Variants in ASTN2 observed in about 807,000 individuals in gnomAD.
ASTN2 encodes the protein astrotactin-2.
Under a neutral mutation model 139.8 loss-of-function variants are expected in ASTN2, and 54 were observed. The ratio of observed to expected loss-of-function variants is 0.39; its 90% CI spans 0.31 to 0.48. ASTN2 has a LOEUF of 0.48. Among genes scored for constraint, ASTN2 ranks in the 20% least tolerant of loss-of-function variants. ASTN2 has a pLI of 0.95. For synonymous variants in ASTN2, 756 were observed against 719.5 expected (o/e 1.05, Z -0.81); for missense variants, 1,565 against 1,725.1 (o/e 0.91, Z 1.64).
intron 1 of ASTN2, among the ~76,000 whole-genome samples, chr9:117,336,203 G>A (rs1367557052): frequency 6.6e-6 from 1 of 152,170 alleles, no homozygotes; most frequent in African/African-American, 2.4e-5. Flanking sequence ...CATGGAGTGT[G>A]AGTGTATGTA....
chr9:116,839,668 G>GTA (rs1015186345), intron 11 of ASTN2, among the ~76,000 whole-genome samples: 11 of 151,422 alleles, frequency 7.3e-5, no homozygotes, highest in Admixed American at 6.6e-4. Flanking sequence ...TCTAATTTTT[G>GTA]TATATATATA....
intron 6 of ASTN2, among the ~76,000 whole-genome samples, chr9:117,019,297 A>G (rs1334219598): frequency 1.3e-5 from 2 of 152,128 alleles, no homozygotes; most frequent in Non-Finnish European, 2.9e-5. Flanking sequence ...TTTTCTGGAA[A>G]TTGGACAATA....
At position 116,462,787 on chromosome 9, in the gene ASTN2, C is replaced by CGTGTGTGTGT. The variant is rs1376062376; in HGVS notation, c.3498-20235_3498-20234insACACACACAC. On this transcript the variant is annotated intron_variant, in intron 20 of 22. Coordinates refer to ENST00000313400, the MANE Select transcript of ASTN2 (RefSeq NM_001365068.1). ...TCTTTAAGGGTAAGTGTTGGGTGAGCATGTGTGTGTGTGTGTGTGTGTGTG... is the reference window on the plus strand; with the variant it reads ...TCTTTAAGGGTAAGTGTTGGGTGAGCGTGTGTGTGTATGTGTGTGTGTGTGTGTGTGTGTG... Among the ~76,000 whole-genome samples, 429 of 97,628 alleles carry CGTGTGTGTGT rather than the reference C, an allele frequency of 4.4e-3. 9 individuals carry two copies. Among genetic ancestry groups the CGTGTGTGTGT allele is most frequent in the East Asian group, 0.041 (129 of 3,156 alleles). The allele number at this position is 97,628 out of a possible 152,430, so 64.0% of individuals were successfully genotyped here. A position where few individuals can be genotyped will look rare whatever the true frequency, so the allele number is the denominator to read the frequency against.
At chr9:117,048,651 A>C (rs956058338) in intron 5 of ASTN2, among the ~76,000 whole-genome samples, 3 of 152,214 alleles carry the variant, frequency 2.0e-5, no homozygotes, top group African/African-American at 4.8e-5. Context: ...TTAGAGATGA[A>C]GATGATAGAG....
intron 1 of ASTN2, among the ~76,000 whole-genome samples, chr9:117,336,938 G>T (rs1178009379): frequency 6.6e-6 from 1 of 152,160 alleles, no homozygotes; most frequent in African/African-American, 2.4e-5. Flanking sequence ...ATGCTCAAAG[G>T]TATGGCTCCT....
intron 13 of ASTN2, among the ~76,000 whole-genome samples, chr9:116,803,238 T>C (rs1274895834): frequency 6.6e-6 from 1 of 151,558 alleles, no homozygotes; most frequent in South Asian, 2.1e-4. Flanking sequence ...AAACTAGTAT[T>C]GTAGAATCTC....
At chr9:117,386,332 G>A (rs1353431811) in intron 1 of ASTN2, among the ~76,000 whole-genome samples, 1 of 152,174 alleles carries the variant, frequency 6.6e-6, no homozygotes, top group Non-Finnish European at 1.5e-5. Context: ...AGTTAACATG[G>A]AGCAGCTGAC....
intron 7 of ASTN2, among the ~76,000 whole-genome samples, chr9:116,998,585 A>ACATC (rs1554767998): frequency 5.5e-5 from 6 of 108,780 alleles, no homozygotes; most frequent in African/African-American, 1.7e-4. Flanking sequence ...ATCCATCCAT[A>ACATC]CATCCATGCA....
At chr9:116,858,642 A>G (rs981683459) in intron 11 of ASTN2, among the ~76,000 whole-genome samples, 1 of 152,208 alleles carries the variant, frequency 6.6e-6, no homozygotes, top group African/African-American at 2.4e-5. Flanking sequence ...CAGATTTATA[A>G]CATTTCTAAT....
chr9:116,473,784 C>G (rs1564301582), intron 20 of ASTN2, among the ~76,000 whole-genome samples: 2 of 151,950 alleles, frequency 1.3e-5, no homozygotes, highest in Non-Finnish European at 2.9e-5. Context: ...GCACCTGTAA[C>G]CCAGCTACTC....
chr9:117,231,356 G>T (rs1165855322), intron 2 of ASTN2, among the ~76,000 whole-genome samples: 1 of 152,172 alleles, frequency 6.6e-6, no homozygotes, highest in African/African-American at 2.4e-5. Flanking sequence ...TCTTATTTGT[G>T]TATGCCAATG....
chr9:117,386,512 A>G (rs1830404404), intron 1 of ASTN2, among the ~76,000 whole-genome samples: 1 of 152,130 alleles, frequency 6.6e-6, no homozygotes, highest in Non-Finnish European at 1.5e-5. Context: ...AGGAGCCACC[A>G]TTCTAGGGCC....
intron 2 of ASTN2, among the ~76,000 whole-genome samples, chr9:117,249,221 C>A (rs549242403): frequency 6.6e-6 from 1 of 152,054 alleles, no homozygotes. Context: ...GGCAATAAAC[C>A]CTAATGGAAA....
intron 1 of ASTN2, among the ~76,000 whole-genome samples, chr9:117,310,640 T>C (rs980130017): frequency 6.6e-6 from 1 of 152,180 alleles, no homozygotes; most frequent in African/African-American, 2.4e-5. Context: ...ATTGTTTGTT[T>C]GTTTTTTGAG....
intron 1 of ASTN2, among the ~76,000 whole-genome samples, chr9:117,318,713 T>C (rs1255820046): frequency 2.0e-5 from 3 of 152,166 alleles, no homozygotes; most frequent in East Asian, 1.9e-4. Flanking sequence ...ACACATCCAA[T>C]GTCCTCTGTC....
intron 19 of ASTN2, among the ~76,000 whole-genome samples, chr9:116,571,289 C>T (rs1205098043): frequency 6.6e-6 from 1 of 152,326 alleles, no homozygotes; most frequent in East Asian, 1.9e-4. Flanking sequence ...GCTATCATGA[C>T]CGAGGCAGAG....
chr9:116,477,489 A>G (rs1321709873), intron 20 of ASTN2, among the ~76,000 whole-genome samples: 2 of 151,992 alleles, frequency 1.3e-5, no homozygotes, highest in Non-Finnish European at 2.9e-5. Flanking sequence ...CCTTGGCCAC[A>G]CCTAAATTGC....
At chr9:116,986,134 G>A (rs1426229639) in intron 7 of ASTN2, among the ~76,000 whole-genome samples, 1 of 151,988 alleles carries the variant, frequency 6.6e-6, no homozygotes, top group Non-Finnish European at 1.5e-5. Context: ...CAGCACTGCT[G>A]TCCTTGCTGT....
At chr9:117,131,801 G>A (rs915291387) in intron 4 of ASTN2, among the ~76,000 whole-genome samples, 4 of 151,992 alleles carry the variant, frequency 2.6e-5, no homozygotes, top group South Asian at 2.1e-4. Flanking sequence ...TACATATATC[G>A]ATTTATGTCT....
Sources: gnomAD v4.1 joint callset for allele counts (sites outside exome capture counted in the v4.1 genomes callset) on GRCh38, gnomAD v4.1.1 for gene constraint, MANE v1.5 for transcripts, NCBI Gene and HGNC (gene_info 2026-07-23, HGNC 2026-07-21) for gene names.